Variants in ADARB1 observed in about 807,000 individuals in gnomAD.
The protein encoded by ADARB1 is double-stranded RNA-specific editase 1.
Under a neutral mutation model 52.4 loss-of-function variants are expected in ADARB1, and 10 were observed. That is an observed-to-expected ratio of 0.19 (90% CI 0.12 to 0.32). ADARB1 has a LOEUF of 0.32. ADARB1 is among the 10% of genes least tolerant of loss of function. The probability of loss-of-function intolerance (pLI) is 1.00; values close to 1 mark genes in which losing one functional copy is unlikely to be tolerated. For missense variants in ADARB1, 643 were observed against 922.3 expected (o/e 0.70, Z 3.92); for synonymous variants, 349 against 371.1 (o/e 0.94, Z 0.68).
chr21:45,113,370 C>T (rs961300730), intron 1 of ADARB1, among the ~76,000 whole-genome samples: 27 of 152,032 alleles, frequency 1.8e-4, no homozygotes, highest in African/African-American at 6.5e-4. Context: ...TTGCAGTGAG[C>T]TAAGATCGTG....
At chr21:45,163,165 C>A (rs1365714294) in intron 2 of ADARB1, among the ~76,000 whole-genome samples, 1 of 152,224 alleles carries the variant, frequency 6.6e-6, no homozygotes, top group Non-Finnish European at 1.5e-5. Flanking sequence ...CCTTTCACAT[C>A]AATAGTAACC....
intron 1 of ADARB1, among the ~76,000 whole-genome samples, chr21:45,099,069 C>T (rs1181156351): frequency 2.6e-5 from 4 of 152,264 alleles, no homozygotes; most frequent in South Asian, 2.1e-4. Context: ...AGACAGATGG[C>T]GCTTTAGAGG....
At position 45,200,047 on chromosome 21, in the gene ADARB1, G is replaced by T. The variant is rs764968894; in HGVS notation, c.1566-4508G>T. ...AATGGCCAGAAAAGTTGCCCGGAAA[G>T]AGCCCTGGTGGCCAAAATGATGCCA... On this transcript the variant is annotated intron_variant, in intron 8 of 10. Coordinates refer to ENST00000348831, the MANE Select transcript of ADARB1 (RefSeq NM_001112.4). This position sits in a 1 kb window ranked among gnomAD's most constrained non-coding sequence, Gnocchi z 5.0. 9.9e-5 allele frequency among the ~76,000 whole-genome samples: 15 copies of T among 152,234 alleles called. No homozygotes were observed. Among genetic ancestry groups the T allele is most frequent in the Non-Finnish European group, 2.1e-4 (14 of 68,044 alleles).
rs191340357 is a variant in ADARB1 at position 45,109,582 on chromosome 21, A to G, written c.-219-18820A>G. On this transcript the variant is annotated intron_variant, in intron 1 of 10. Coordinates refer to ENST00000348831, the MANE Select transcript of ADARB1 (RefSeq NM_001112.4). ...GCACGGGGCTCTGCGCCCCCCCAGG[A>G]CTGGAGGCTCCGTGTAGATGGAGAC... 3.1e-3 allele frequency among the ~76,000 whole-genome samples: 476 copies of G among 152,292 alleles called. 3 individuals carry two copies. Among genetic ancestry groups the G allele is most frequent in the Middle Eastern group, 0.014 (4 of 294 alleles).
chr21:45,167,054 T>C lies in ADARB1; in HGVS notation c.-47-4556T>C, dbSNP rs564170831. On this transcript the variant is annotated intron_variant, in intron 2 of 10. Coordinates refer to ENST00000348831, the MANE Select transcript of ADARB1 (RefSeq NM_001112.4). The stretch of plus-strand genomic sequence containing the variant: ...GCATGTGCTGTTTTGCTTTGTTTTA[T>C]AACCTTTGGTACAAGAGTTGGCATT... 2.6e-5 allele frequency among the ~76,000 whole-genome samples: 4 copies of C among 152,352 alleles called. No individual in the cohort carries two copies. In the South Asian group the frequency reaches 8.3e-4, roughly 32 times the overall value.
intron 3 of ADARB1, among the ~76,000 whole-genome samples, chr21:45,173,027 T>C (rs8129624): frequency 0.067 from 10,135 of 152,264 alleles, 496 homozygotes; most frequent in East Asian, 0.15. Flanking sequence ...CAACGGAGCA[T>C]GTGCAGGGGT....
chr21:45,199,990 A>G (rs2092514602), intron 8 of ADARB1, among the ~76,000 whole-genome samples: 1 of 152,264 alleles, frequency 6.6e-6, no homozygotes, highest in Non-Finnish European at 1.5e-5. Context: ...ACAAGCTGAT[A>G]GAACCTAGCA....
intron 9 of ADARB1, among the ~76,000 whole-genome samples, chr21:45,214,508 G>T (rs2048179891): frequency 1.3e-5 from 2 of 152,140 alleles, no homozygotes; most frequent in African/African-American, 2.4e-5. Context: ...TTTTACAGTT[G>T]CAGTTTTTAC....
In ADARB1 at chr21:45,208,182, C is replaced by T. The variant is rs545628788; in HGVS notation, c.1747+3446C>T. ...TCCTGAGTGTGAGCTCCTCAGCTGG[C>T]CCAGTTTGTTGTCCAACGCTCACTA... On this transcript the variant is annotated intron_variant, in intron 9 of 10. Coordinates refer to ENST00000348831, the MANE Select transcript of ADARB1 (RefSeq NM_001112.4). This position sits in a 1 kb window ranked among gnomAD's most constrained non-coding sequence, Gnocchi z 5.6. 2.0e-5 allele frequency among the ~76,000 whole-genome samples: 3 copies of T among 152,272 alleles called. No homozygotes were observed. The South Asian group carries it at 6.2e-4, about 32-fold the overall frequency.
Position 45,221,184 on chromosome 21 carries a change from A to G in ADARB1, c.1926+170A>G, listed in dbSNP as rs747471909. On this transcript the variant is annotated intron_variant, in intron 10 of 10. Coordinates refer to ENST00000348831, the MANE Select transcript of ADARB1 (RefSeq NM_001112.4). The surrounding 1 kb of genome is among the most constrained non-coding windows in gnomAD (Gnocchi z 4.9). Reference sequence around the variant, plus strand: ...ATTGTTTTAGCTTAGAAGTGTGGCTACGTCCCTGAAACCTTAATGCCATCT... The same window carrying G: ...ATTGTTTTAGCTTAGAAGTGTGGCTGCGTCCCTGAAACCTTAATGCCATCT... 1.3e-5 allele frequency among the ~76,000 whole-genome samples: 2 copies of G among 152,248 alleles called. No individual in the cohort carries two copies. The highest frequency in any genetic ancestry group is 2.9e-5 in the Non-Finnish European group (2 of 68,042).
intron 1 of ADARB1, among the ~76,000 whole-genome samples, chr21:45,106,142 TGCC>T (rs1382052675): frequency 1.4e-4 from 1 of 7,162 alleles, no homozygotes; most frequent in Non-Finnish European, 5.6e-4. Flanking sequence ...TTCCTTTCTT[TGCC>T]TTTAATGCAA....
At chr21:45,085,233 G>A (rs944323685) in intron 1 of ADARB1, among the ~76,000 whole-genome samples, 2 of 152,212 alleles carry the variant, frequency 1.3e-5, no homozygotes, top group African/African-American at 2.4e-5. Flanking sequence ...CCCTGGCTGT[G>A]AGAACAGGAA....
Position 45,223,082 on chromosome 21 carries a change from C to T in ADARB1, c.*885C>T, listed in dbSNP as rs549235791. 16 of 985,442 alleles carry T rather than the reference C, an allele frequency of 1.6e-5. No individual in the cohort carries two copies. The East Asian group carries it at 3.4e-4, about 21-fold the overall frequency. The allele number at this position is 985,442 out of a possible 1,614,324, so 61.0% of individuals were successfully genotyped here. On this transcript the variant is annotated 3_prime_UTR_variant, in exon 11 of 11. Transcript: ENST00000348831. Reference sequence around the variant, plus strand: ...AACTTTTATGGACTAGAAGGAATCACGAGGGCTACTGCACAATACATGGCC... The same window carrying T: ...AACTTTTATGGACTAGAAGGAATCATGAGGGCTACTGCACAATACATGGCC...
chr21:45,176,787 G>T lies in ADARB1; in HGVS notation c.963+123G>T. The T allele has an allele frequency of 6.3e-6, 7 of 1,116,848 alleles. No individual in the cohort carries two copies. Among genetic ancestry groups the T allele is most frequent in the Non-Finnish European group, 7.4e-6 (6 of 806,720 alleles). The allele number at this position is 1,116,848 out of a possible 1,614,324, so 69.2% of individuals were successfully genotyped here. A position where few individuals can be genotyped will look rare whatever the true frequency, so the allele number is the denominator to read the frequency against. ...CTTGACATCACTCTGTCCCCACCAG[G>T]AGGAGTTACTGGTAAGTCTGGCTGC... On this transcript the variant is annotated intron_variant, in intron 4 of 10. Transcript: ENST00000348831. This position sits in a 1 kb window ranked among gnomAD's most constrained non-coding sequence, Gnocchi z 5.8.
At chr21:45,155,767 TCATC>T (rs1365042595) in intron 2 of ADARB1, among the ~76,000 whole-genome samples, 1 of 41,852 alleles carries the variant, frequency 2.4e-5, no homozygotes, top group Non-Finnish European at 4.1e-5. Flanking sequence ...CATCATCCAT[TCATC>T]CATCCATCCA....
chr21:45,123,883 G>C (rs2088374649), intron 1 of ADARB1, among the ~76,000 whole-genome samples: 1 of 152,208 alleles, frequency 6.6e-6, no homozygotes, highest in Non-Finnish European at 1.5e-5. Flanking sequence ...TTATAAGTGT[G>C]AGCCACTGTG....
intron 1 of ADARB1, among the ~76,000 whole-genome samples, chr21:45,082,269 T>C (rs1312660536): frequency 1.3e-5 from 2 of 152,238 alleles, no homozygotes; most frequent in Admixed American, 6.5e-5. Flanking sequence ...CAACTTACGA[T>C]GAGGTTCATA....
At chr21:45,139,441 C>T (rs1417252055) in intron 2 of ADARB1, among the ~76,000 whole-genome samples, 1 of 152,152 alleles carries the variant, frequency 6.6e-6, no homozygotes, top group Non-Finnish European at 1.5e-5. Flanking sequence ...TCCGTTTTCT[C>T]TTTCTCCTGG....
intron 1 of ADARB1, among the ~76,000 whole-genome samples, chr21:45,114,026 G>C (rs934292079): frequency 6.6e-6 from 1 of 152,096 alleles, no homozygotes; most frequent in Non-Finnish European, 1.5e-5. Context: ...ACACATATGT[G>C]GCATTAAGTG....
Sources: allele counts gnomAD v4.1 joint callset (sites outside exome capture counted in the v4.1 genomes callset), GRCh38; gene constraint gnomAD v4.1.1; non-coding constraint Gnocchi (gnomAD v3.1); transcripts MANE v1.5; gene names NCBI Gene and HGNC (gene_info 2026-07-23, HGNC 2026-07-21).